Variants in EXOC6B observed in about 807,000 individuals in gnomAD.
EXOC6B encodes exocyst complex component 6B.
In EXOC6B, 54 loss-of-function variants were observed where a neutral mutation model predicts 113.5. That is an observed-to-expected ratio of 0.48 (90% CI 0.38 to 0.60). EXOC6B has a LOEUF of 0.60. Among genes scored for constraint, EXOC6B ranks in the 20% least tolerant of loss-of-function variants. EXOC6B has a pLI of 0.00. For missense variants in EXOC6B, 797 were observed against 977.5 expected, an observed-to-expected ratio of 0.82 and a Z score of 2.46; for synonymous variants, 357 against 339.0, an observed-to-expected ratio of 1.05 and a Z score of -0.58.
intron 6 of EXOC6B, among the ~76,000 whole-genome samples, 162 bp downstream of exon 6, chr2:72,717,941 T>C (rs1679732495): frequency 6.6e-6 from 1 of 152,184 alleles, no homozygotes; most frequent in Non-Finnish European, 1.5e-5. Flanking sequence ...GTTAAAAAAA[T>C]GAAAACATTT....
chr2:72,739,926 C>A (rs77269445), intron 2 of EXOC6B, among the ~76,000 whole-genome samples: 8,259 of 151,976 alleles, frequency 0.054, 748 homozygotes, highest in African/African-American at 0.19. Context: ...TAAACTTAAG[C>A]ATTTTGGAAA....
chr2:72,207,542 G>A (rs1559015959), intron 20 of EXOC6B, among the ~76,000 whole-genome samples: 1 of 152,210 alleles, frequency 6.6e-6, no homozygotes, highest in Non-Finnish European at 1.5e-5. Flanking sequence ...CTGAACAAAT[G>A]TTAGCAATGA....
At chr2:72,434,225 G>C (rs1345014384) in intron 18 of EXOC6B, among the ~76,000 whole-genome samples, 1 of 152,116 alleles carries the variant, frequency 6.6e-6, no homozygotes, top group Non-Finnish European at 1.5e-5. Flanking sequence ...TGCATATATT[G>C]AACCAGCGTT....
chr2:72,242,950 G>T (rs1345699029), intron 20 of EXOC6B, among the ~76,000 whole-genome samples: 1 of 152,096 alleles, frequency 6.6e-6, no homozygotes, highest in African/African-American at 2.4e-5. Flanking sequence ...GCCCAGGCTT[G>T]TCTTAAACTC....
At chr2:72,422,062 C>T (rs893875047) in intron 18 of EXOC6B, among the ~76,000 whole-genome samples, 56 of 152,362 alleles carry the variant, frequency 3.7e-4, no homozygotes, top group African/African-American at 1.0e-3. Context: ...GCTGCCTTCC[C>T]GCGGGGCAGG....
chr2:72,352,533 T>C (rs184964858), intron 19 of EXOC6B, among the ~76,000 whole-genome samples: 2 of 152,226 alleles, frequency 1.3e-5, no homozygotes, highest in East Asian at 3.9e-4. Context: ...TAAATGCAAA[T>C]AGATTAAAGA....
intron 19 of EXOC6B, among the ~76,000 whole-genome samples, chr2:72,376,137 T>C (rs1341279082): frequency 2.0e-5 from 3 of 152,202 alleles, no homozygotes; most frequent in Non-Finnish European, 4.4e-5. Flanking sequence ...AAGGAAGATA[T>C]TGTTGTAGAC....
intron 20 of EXOC6B, among the ~76,000 whole-genome samples, chr2:72,307,161 G>GTTTTTGTTTTTTTTTTTGT (rs758906963): frequency 7.8e-6 from 1 of 128,514 alleles, no homozygotes; most frequent in African/African-American, 3.8e-5. Flanking sequence ...GTATAGTCCA[G>GTTTTTGTTTTTTTTTTTGT]TTTTTTTTTT....
chr2:72,598,579 G>T (rs569199306), intron 6 of EXOC6B, among the ~76,000 whole-genome samples: 1 of 151,854 alleles, frequency 6.6e-6, no homozygotes, highest in Non-Finnish European at 1.5e-5. Context: ...GAAAATAAGA[G>T]AACAACAGAG....
intron 1 of EXOC6B, among the ~76,000 whole-genome samples, chr2:72,806,553 T>C (rs1406425290): frequency 6.6e-6 from 1 of 152,242 alleles, no homozygotes; most frequent in Non-Finnish European, 1.5e-5. Flanking sequence ...TACCCAGTAA[T>C]GGGATTGCTG....
intron 1 of EXOC6B, among the ~76,000 whole-genome samples, chr2:72,793,917 G>A (rs1333845010): frequency 6.6e-6 from 1 of 152,138 alleles, no homozygotes; most frequent in African/African-American, 2.4e-5. Context: ...ATTAATAAAA[G>A]GGAAGAGAAG....
intron 20 of EXOC6B, among the ~76,000 whole-genome samples, chr2:72,241,605 G>A (rs1057308939): frequency 9.9e-5 from 15 of 152,094 alleles, no homozygotes; most frequent in African/African-American, 3.4e-4. Context: ...CTTAAAAGAA[G>A]TTGGGGAGGG....
intron 19 of EXOC6B, among the ~76,000 whole-genome samples, chr2:72,379,525 A>G (rs1486275837): frequency 2.0e-5 from 3 of 152,192 alleles, no homozygotes; most frequent in South Asian, 2.1e-4. Context: ...CTTCTGTTTT[A>G]AATATGAGTC....
At chr2:72,216,289 A>G (rs938781773) in intron 20 of EXOC6B, among the ~76,000 whole-genome samples, 7 of 152,254 alleles carry the variant, frequency 4.6e-5, no homozygotes, top group Admixed American at 4.6e-4. Context: ...TGCATCTGAC[A>G]AACATATGAA....
intron 6 of EXOC6B, among the ~76,000 whole-genome samples, chr2:72,669,121 ATTAGT>A (rs1445244057): frequency 2.0e-5 from 3 of 151,988 alleles, no homozygotes; most frequent in Non-Finnish European, 4.4e-5. Flanking sequence ...AATAAATTCT[ATTAGT>A]TTAAAGAAAC....
intron 20 of EXOC6B, among the ~76,000 whole-genome samples, chr2:72,311,047 A>G (rs1687159385): frequency 6.6e-6 from 1 of 152,168 alleles, no homozygotes; most frequent in Non-Finnish European, 1.5e-5. Context: ...TCTCTTCTAT[A>G]CTGCATTCTG....
At chr2:72,268,987 A>G (rs1051616564) in intron 20 of EXOC6B, among the ~76,000 whole-genome samples, 2 of 152,180 alleles carry the variant, frequency 1.3e-5, no homozygotes, top group Admixed American at 1.3e-4. Context: ...ATGGACTAAC[A>G]TACTCATATA....
At chr2:72,491,567 T>A (rs979690354) in intron 16 of EXOC6B, among the ~76,000 whole-genome samples, 1 of 152,126 alleles carries the variant, frequency 6.6e-6, no homozygotes, top group Non-Finnish European at 1.5e-5. Context: ...TTAGGCACTA[T>A]AACATCCAGT....
intron 17 of EXOC6B, among the ~76,000 whole-genome samples, chr2:72,471,811 G>A (rs2105449202): frequency 6.6e-6 from 1 of 152,270 alleles, no homozygotes; most frequent in South Asian, 2.1e-4. Flanking sequence ...ATTCTTAAAG[G>A]AAAGGCAGTC....
Sources: gnomAD v4.1 joint callset for allele counts (sites outside exome capture counted in the v4.1 genomes callset) on GRCh38, gnomAD v4.1.1 for gene constraint, MANE v1.5 for transcripts, NCBI Gene and HGNC (gene_info 2026-07-23, HGNC 2026-07-21) for gene names.